B3GALT1: variants seen among roughly 807,000 people sequenced by gnomAD.
B3GALT1 encodes UDP-Gal:betaGlcNAc beta 1,3-galactosyltransferase, polypeptide 1.
Under a neutral mutation model 23.2 loss-of-function variants are expected in B3GALT1, and 10 were observed. The ratio of observed to expected loss-of-function variants is 0.43; its 90% CI spans 0.27 to 0.73. B3GALT1 has a LOEUF of 0.73. Among genes scored for constraint, B3GALT1 ranks in the 30% least tolerant of loss-of-function variants. B3GALT1 has a pLI of 0.21. For synonymous variants in B3GALT1, 156 were observed against 141.5 expected, an observed-to-expected ratio of 1.10 and a Z score of -0.73; for missense variants, 299 against 405.4, an observed-to-expected ratio of 0.74 and a Z score of 2.25.
intron 1 of B3GALT1, among the ~76,000 whole-genome samples, chr2:167,425,058 A>G (rs1698603434): frequency 6.6e-6 from 1 of 152,158 alleles, no homozygotes; most frequent in South Asian, 2.1e-4. Context: ...CTCTCCTGCT[A>G]CTATAAATCT....
intron 1 of B3GALT1, among the ~76,000 whole-genome samples, chr2:167,364,023 G>A (rs530905275): frequency 1.3e-5 from 2 of 151,942 alleles, no homozygotes; most frequent in Admixed American, 1.3e-4. Context: ...AATTAGCCAG[G>A]CATGGCGGCT....
intron 1 of B3GALT1, among the ~76,000 whole-genome samples, chr2:167,360,901 C>G (rs535189399): frequency 2.0e-5 from 3 of 152,256 alleles, no homozygotes; most frequent in South Asian, 2.1e-4. Context: ...TCATTCTACT[C>G]TCTAACTCCA....
At chr2:167,299,393 C>T (rs1696410464) in intron 1 of B3GALT1, among the ~76,000 whole-genome samples, 2 of 152,180 alleles carry the variant, frequency 1.3e-5, no homozygotes, top group Admixed American at 6.5e-5. Context: ...TAGGCCTCCT[C>T]AATTCTGTAT....
intron 3 of B3GALT1, among the ~76,000 whole-genome samples, chr2:167,669,880 G>A (rs1686292366): frequency 6.6e-6 from 1 of 152,086 alleles, no homozygotes; most frequent in Non-Finnish European, 1.5e-5. Context: ...GAACACTGAG[G>A]GGATAAACAC....
chr2:167,598,742 G>T (rs1684825468), intron 2 of B3GALT1, among the ~76,000 whole-genome samples: 1 of 152,022 alleles, frequency 6.6e-6, no homozygotes, highest in Non-Finnish European at 1.5e-5. Flanking sequence ...TTAAATCTAG[G>T]TGTTTGTTAC....
At chr2:167,316,245 C>CA (rs1696715876) in intron 1 of B3GALT1, among the ~76,000 whole-genome samples, 1 of 151,224 alleles carries the variant, frequency 6.6e-6, no homozygotes, top group African/African-American at 2.4e-5. Flanking sequence ...ATGAAAATGG[C>CA]ATGTAGAAAA....
intron 3 of B3GALT1, among the ~76,000 whole-genome samples, chr2:167,810,114 C>T (rs56006029): frequency 0.034 from 5,135 of 148,974 alleles, 268 homozygotes; most frequent in South Asian, 0.069. Context: ...TGGTGTGCGG[C>T]TTGCTAAGAC....
At chr2:167,684,090 A>C (rs1686578347) in intron 3 of B3GALT1, among the ~76,000 whole-genome samples, 1 of 152,112 alleles carries the variant, frequency 6.6e-6, no homozygotes, top group African/African-American at 2.4e-5. Flanking sequence ...CTATCACAGC[A>C]CCTAATGCAA....
At chr2:167,762,546 GCTTTGTGAAT>G (rs1687912414) in intron 3 of B3GALT1, among the ~76,000 whole-genome samples, 1 of 149,102 alleles carries the variant, frequency 6.7e-6, no homozygotes, top group Non-Finnish European at 1.5e-5. Context: ...CAAAGAAATT[GCTTTGTGAAT>G]ACAAAGGAAG....
intron 1 of B3GALT1, among the ~76,000 whole-genome samples, chr2:167,319,735 ATACT>A (rs929598335): frequency 3.3e-5 from 5 of 152,240 alleles, no homozygotes; most frequent in Middle Eastern, 3.4e-3. Flanking sequence ...TTAGACATAG[ATACT>A]TAATTATATA....
chr2:167,441,612 T>C (rs570777435), intron 1 of B3GALT1, among the ~76,000 whole-genome samples: 47 of 152,346 alleles, frequency 3.1e-4, no homozygotes, highest in Admixed American at 2.3e-3. Flanking sequence ...ACCATTACTA[T>C]ACTGGGTTTA....
intron 3 of B3GALT1, among the ~76,000 whole-genome samples, chr2:167,743,405 T>G (rs1687605329): frequency 6.6e-6 from 1 of 152,120 alleles, no homozygotes; most frequent in East Asian, 1.9e-4. Flanking sequence ...CTTGTCTTTT[T>G]GCTAAATAAG....
At chr2:167,483,777 G>C (rs1699589024) in intron 1 of B3GALT1, among the ~76,000 whole-genome samples, 1 of 152,142 alleles carries the variant, frequency 6.6e-6, no homozygotes, top group Admixed American at 6.6e-5. Context: ...GAAACTATAT[G>C]TTAAATATAT....
At position 167,753,463 on chromosome 2, in the gene B3GALT1, C is replaced by T. The variant is rs564886949; in HGVS notation, c.-351-65209C>T. ...GTCCTTAAGCCATTTGGTGATCCTC[C>T]CACTTTCCATGCAGAGAGAATTCAG... is the stretch of plus-strand genomic sequence containing the variant. On this transcript the variant is annotated intron_variant, in intron 3 of 4. Coordinates refer to ENST00000392690, the MANE Select transcript of B3GALT1 (RefSeq NM_020981.4). Among the ~76,000 whole-genome samples the T allele has an allele frequency of 3.3e-5, 5 of 152,240 alleles. No homozygotes were observed. In the South Asian group the frequency reaches 1.0e-3, roughly 32 times the overall value.
At chr2:167,635,401 A>T (rs1332744691) in intron 2 of B3GALT1, among the ~76,000 whole-genome samples, 1 of 152,014 alleles carries the variant, frequency 6.6e-6, no homozygotes, top group Non-Finnish European at 1.5e-5. Flanking sequence ...AAAGAAAGGA[A>T]GTCAAATTGT....
At chr2:167,313,708 G>A (rs994794682) in intron 1 of B3GALT1, among the ~76,000 whole-genome samples, 1 of 152,052 alleles carries the variant, frequency 6.6e-6, no homozygotes, top group African/African-American at 2.4e-5. Context: ...GGTGGTCTCT[G>A]GTCCTATTTC....
chr2:167,570,448 G>A (rs1558910542), intron 2 of B3GALT1, among the ~76,000 whole-genome samples: 1 of 151,712 alleles, frequency 6.6e-6, no homozygotes, highest in South Asian at 2.1e-4. Flanking sequence ...AGTTGTTCAT[G>A]GAATTGTAAT....
At chr2:167,322,649 C>T (rs1406929220) in intron 1 of B3GALT1, among the ~76,000 whole-genome samples, 1 of 151,896 alleles carries the variant, frequency 6.6e-6, no homozygotes, top group African/African-American at 2.4e-5. Context: ...CTGATCCTTA[C>T]TTTGGTGGAT....
intron 3 of B3GALT1, among the ~76,000 whole-genome samples, chr2:167,774,385 C>T (rs1413830204): frequency 6.6e-6 from 1 of 151,368 alleles, no homozygotes; most frequent in African/African-American, 2.4e-5. Context: ...TTGGCATTGT[C>T]ATTCCAAGAC....
Sources: allele counts gnomAD v4.1 joint callset (sites outside exome capture counted in the v4.1 genomes callset), GRCh38; gene constraint gnomAD v4.1.1; transcripts MANE v1.5; gene names NCBI Gene and HGNC (gene_info 2026-07-23, HGNC 2026-07-21).